ZNF710: variants seen among roughly 807,000 people sequenced by gnomAD.
The protein encoded by ZNF710 is zinc finger protein 710.
Under a neutral mutation model 50.6 loss-of-function variants are expected in ZNF710, and 13 were observed. The observed-to-expected ratio is 0.26, with a 90% CI of 0.17 to 0.41. The LOEUF is 0.41. Among genes scored for constraint, ZNF710 ranks in the 10% least tolerant of loss-of-function variants. The pLI is 1.00. For synonymous variants in ZNF710, 383 were observed against 397.0 expected, an observed-to-expected ratio of 0.96 and a Z score of 0.42; for missense variants, 721 against 936.6, an observed-to-expected ratio of 0.77 and a Z score of 3.01.
chr15:90,046,818 A>G (rs1363702694), intron 1 of ZNF710, among the ~76,000 whole-genome samples: 1 of 152,116 alleles, frequency 6.6e-6, no homozygotes, highest in Non-Finnish European at 1.5e-5. Context: ...GGTGTGGGTA[A>G]AGGTAGCAGG....
At chr15:90,018,552 C>T (rs1395721641) in intron 1 of ZNF710, among the ~76,000 whole-genome samples, 1 of 152,024 alleles carries the variant, frequency 6.6e-6, no homozygotes, top group East Asian at 1.9e-4. Flanking sequence ...GGCCTTTTTT[C>T]GCCTCCTCTT....
chr15:90,035,567 T>C (rs948230520), intron 1 of ZNF710, among the ~76,000 whole-genome samples: 7 of 152,244 alleles, frequency 4.6e-5, no homozygotes, highest in African/African-American at 1.7e-4. Context: ...TGGTAGCTTC[T>C]TAAATGATGA....
intron 1 of ZNF710, among the ~76,000 whole-genome samples, chr15:90,054,667 T>A (rs1051046137): frequency 3.9e-5 from 6 of 152,254 alleles, no homozygotes; most frequent in African/African-American, 1.4e-4. Context: ...GGTCCTATTG[T>A]TACTTCCTTT....
intron 1 of ZNF710, among the ~76,000 whole-genome samples, chr15:90,001,965 A>G (rs1898022986): frequency 1.8e-5 from 2 of 112,196 alleles, no homozygotes; most frequent in Non-Finnish European, 3.5e-5. Flanking sequence ...GAGCGCGCGA[A>G]TGAGAGAGAG....
chr15:90,061,573 G>A lies in ZNF710; in HGVS notation c.-28-5537G>A, dbSNP rs143789941. On this transcript the variant is annotated intron_variant, in intron 1 of 4. Transcript: ENST00000268154. ...TTCTTCCTTCAAAATGGCTCCTGTC[G>A]TGCGAGACCAGGTTTTGGGTGTCTT... 6.4e-3 allele frequency among the ~76,000 whole-genome samples: 974 copies of A among 152,268 alleles called. 10 individuals are homozygous for A. Among genetic ancestry groups the A allele is most frequent in the African/African-American group, 0.022 (922 of 41,532 alleles).
At chr15:90,031,342 A>G (rs1162307715) in intron 1 of ZNF710, among the ~76,000 whole-genome samples, 4 of 152,162 alleles carry the variant, frequency 2.6e-5, no homozygotes, top group Non-Finnish European at 5.9e-5. Flanking sequence ...ATCACCCGGG[A>G]GCTTATTATT....
rs765049062 is a variant in ZNF710 at position 90,034,205 on chromosome 15, A to C, written c.-29+32591A>C. Reference sequence around the variant, plus strand: ...AGAGTGAGACTCTGTCTCAAAAAAAAAGAAAAGAAAAGAAAAGAAAAGAAA... The same window carrying C: ...AGAGTGAGACTCTGTCTCAAAAAAACAGAAAAGAAAAGAAAAGAAAAGAAA... On this transcript the variant is annotated intron_variant, in intron 1 of 4. Coordinates refer to ENST00000268154, the MANE Select transcript of ZNF710 (RefSeq NM_198526.4). This position sits in a 1 kb window ranked among gnomAD's most constrained non-coding sequence, Gnocchi z 4.0. Among the ~76,000 whole-genome samples, 51 of 146,570 alleles carry C rather than the reference A, an allele frequency of 3.5e-4. No homozygotes were observed. The highest frequency in any genetic ancestry group is 3.3e-3 in the Middle Eastern group (1 of 302).
intron 1 of ZNF710, among the ~76,000 whole-genome samples, chr15:90,052,058 A>T (rs1249955780): frequency 2.6e-5 from 4 of 151,456 alleles, no homozygotes; most frequent in African/African-American, 7.3e-5. Flanking sequence ...GCTGCTTCTC[A>T]TCTCCCCCTC....
rs1900718854 is a variant in ZNF710, at chr15:90,081,393, G to C, written c.*1564G>C. ...AGCAGGGGTCTTCCCCAAAGGCACA[G>C]ATGAAGCCACTAGCTTCAGCCTAGA... is the stretch of plus-strand genomic sequence containing the variant. On this transcript the variant is annotated 3_prime_UTR_variant, in exon 5 of 5. Transcript: ENST00000268154. 2 of 152,222 alleles carry C rather than the reference G, an allele frequency of 1.3e-5. No homozygotes were observed. The highest frequency in any genetic ancestry group is 1.3e-4 in the Admixed American group (2 of 15,282). The allele number at this position is 152,222 out of a possible 1,614,324, so 9.4% of individuals were successfully genotyped here.
rs1675966798 is a variant in ZNF710 at position 90,080,929 on chromosome 15, T to C, written c.*1100T>C. 2 of 152,256 alleles carry C rather than the reference T, an allele frequency of 1.3e-5. No homozygotes were observed. Among genetic ancestry groups the C allele is most frequent in the Admixed American group, 1.3e-4 (2 of 15,282 alleles). The allele number at this position is 152,256 out of a possible 1,614,324, so 9.4% of individuals were successfully genotyped here. A position where few individuals can be genotyped will look rare whatever the true frequency, so the allele number is the denominator to read the frequency against. The stretch of plus-strand genomic sequence containing the variant: ...CTTTTCTGATGGAGATGCATTTTCT[T>C]TTTCCAAGCGTAAGCTTCCTAATGT... On this transcript the variant is annotated 3_prime_UTR_variant, in exon 5 of 5. Coordinates refer to ENST00000268154, the MANE Select transcript of ZNF710 (RefSeq NM_198526.4).
upstream of ZNF710, among the ~76,000 whole-genome samples, chr15:90,001,220 GA>G (rs1343904218): frequency 6.6e-6 from 1 of 152,154 alleles, no homozygotes; most frequent in Non-Finnish European, 1.5e-5. Context: ...CTCTGCGGTA[GA>G]AAGAGAAAAG....
At position 90,034,427 on chromosome 15, in the gene ZNF710, C is replaced by CGTGTGTGT. The variant is rs1280140194; in HGVS notation, c.-28-32683_-28-32682insGTGTGTGT. ...CAGCTGTCCTTCCTGTTTCCAAATT[C>CGTGTGTGT]CTGTGTGTGTGTGTGTGTGTGTGTG... On this transcript the variant is annotated intron_variant, in intron 1 of 4. Coordinates refer to ENST00000268154, the MANE Select transcript of ZNF710 (RefSeq NM_198526.4). This position sits in a 1 kb window ranked among gnomAD's most constrained non-coding sequence, Gnocchi z 4.0. 6.6e-4 allele frequency among the ~76,000 whole-genome samples: 75 copies of CGTGTGTGT among 113,694 alleles called. No individual in the cohort carries two copies. The highest frequency in any genetic ancestry group is 1.1e-3 in the Non-Finnish European group (59 of 55,818). 74.6% of individuals were successfully genotyped at this position (113,694 alleles called of 152,430 possible).
At chr15:90,078,192 C>T (rs1306584246) in intron 4 of ZNF710, among the ~76,000 whole-genome samples, 1 of 125,604 alleles carries the variant, frequency 8.0e-6, no homozygotes, top group Non-Finnish European at 1.6e-5. Flanking sequence ...GCCTGGGCAA[C>T]AAGAGCGAAA....
intron 2 of ZNF710, among the ~76,000 whole-genome samples, chr15:90,071,679 CTT>C (rs762551098): frequency 1.1e-4 from 10 of 95,164 alleles, no homozygotes; most frequent in Admixed American, 1.2e-4. Flanking sequence ...TATTTTTACT[CTT>C]TTTTTTTTTT....
chr15:90,027,195 TG>T (rs1409225628), intron 1 of ZNF710, among the ~76,000 whole-genome samples: 1 of 152,060 alleles, frequency 6.6e-6, no homozygotes, highest in Non-Finnish European at 1.5e-5. Context: ...CTTAAAAAAT[TG>T]TAACTTCTTT....
At chr15:90,056,238 C>A (rs1157649861) in intron 1 of ZNF710, among the ~76,000 whole-genome samples, 1 of 151,956 alleles carries the variant, frequency 6.6e-6, no homozygotes, top group African/African-American at 2.4e-5. Context: ...GGAGAAACCC[C>A]GTCTCTACTA....
intron 1 of ZNF710, among the ~76,000 whole-genome samples, chr15:90,057,866 T>TG (rs1363227670): frequency 2.0e-5 from 3 of 152,142 alleles, no homozygotes; most frequent in African/African-American, 4.8e-5. Flanking sequence ...TGGAACTCTG[T>TG]GGACCCAGGG....
At chr15:90,008,929 A>ATAAGTGATC (rs1898226397) in intron 1 of ZNF710, among the ~76,000 whole-genome samples, 1 of 152,322 alleles carries the variant, frequency 6.6e-6, no homozygotes, top group African/African-American at 2.4e-5. Flanking sequence ...GAAGCTGAGA[A>ATAAGTGATC]TAAGTGATCA....
chr15:90,064,170 C>T (rs1442215942), intron 1 of ZNF710, among the ~76,000 whole-genome samples: 4 of 152,210 alleles, frequency 2.6e-5, no homozygotes, highest in Admixed American at 1.3e-4. Context: ...GACGGACTGT[C>T]GCGACAGGAG....
Sources: gnomAD v4.1 joint callset for allele counts (sites outside exome capture counted in the v4.1 genomes callset) on GRCh38, gnomAD v4.1.1 for gene constraint, Gnocchi (gnomAD v3.1) non-coding constraint, MANE v1.5 for transcripts, NCBI Gene and HGNC (gene_info 2026-07-23, HGNC 2026-07-21) for gene names.